The following CUBN variants were observed in gnomAD, a reference collection of about 807,000 sequenced individuals.
CUBN encodes cubilin, also known as 460 kDa receptor.
CUBN carries 282 observed loss-of-function variants against 405.3 expected under a neutral mutation model. The ratio of observed to expected loss-of-function variants is 0.70; its 90% CI spans 0.63 to 0.77. The LOEUF is 0.77. CUBN is among the 30% of genes least tolerant of loss of function. The pLI, the probability that CUBN is intolerant of heterozygous loss-of-function variation, is 0.00. For missense variants in CUBN, 4,514 were observed against 4,475.2 expected, an observed-to-expected ratio of 1.01 and a Z score of -0.25; for synonymous variants, 1,684 against 1,617.0, an observed-to-expected ratio of 1.04 and a Z score of -0.99.
intron 31 of CUBN, among the ~76,000 whole-genome samples, chr10:16,965,364 C>T (rs981268734): frequency 5.9e-5 from 9 of 152,160 alleles, no homozygotes; most frequent in South Asian, 2.1e-4. Context: ...CCAGTAATCA[C>T]GCATGCTTTG....
At chr10:16,928,520 C>A (rs1842268002) in intron 40 of CUBN, among the ~76,000 whole-genome samples, 1 of 98,470 alleles carries the variant, frequency 1.0e-5, no homozygotes, top group Non-Finnish European at 2.3e-5. Flanking sequence ...CCCCACCCCA[C>A]CCCACCCCCC....
chr10:16,922,560 T>C (rs1842065355), intron 43 of CUBN, among the ~76,000 whole-genome samples: 1 of 152,168 alleles, frequency 6.6e-6, no homozygotes, highest in Non-Finnish European at 1.5e-5. Context: ...ACATCTTAAC[T>C]AACTGAGGGT....
chr10:16,956,645 G>C (rs1355601536), intron 31 of CUBN, among the ~76,000 whole-genome samples: 1 of 152,012 alleles, frequency 6.6e-6, no homozygotes, highest in African/African-American at 2.4e-5. Flanking sequence ...TCCTAAGCTT[G>C]TAGTAATATT....
intron 59 of CUBN, among the ~76,000 whole-genome samples, chr10:16,869,200 C>G (rs1343938607): frequency 7.5e-6 from 1 of 134,074 alleles, no homozygotes; most frequent in Non-Finnish European, 1.5e-5. Flanking sequence ...GAGTCTCATT[C>G]TGTCACCCAG....
intron 59 of CUBN, among the ~76,000 whole-genome samples, chr10:16,869,164 ATTTTT>A (rs72310717): frequency 8.3e-6 from 1 of 121,168 alleles, no homozygotes; most frequent in African/African-American, 3.1e-5. Context: ...TACCAAAGTG[ATTTTT>A]TTTTTTTTTT....
At chr10:17,020,274 C>T (rs141152366) in intron 27 of CUBN, among the ~76,000 whole-genome samples, 420 of 152,186 alleles carry the variant, frequency 2.8e-3, no homozygotes, top group African/African-American at 9.5e-3. Flanking sequence ...GCTCAGAATA[C>T]GGAAATAGTA....
intron 66 of CUBN, 85 bp from the exon 67 acceptor site, chr10:16,825,167 C>T: frequency 1.1e-6 from 1 of 895,240 alleles, no homozygotes; most frequent in East Asian, 2.7e-5. Context: ...AACAAAGTAC[C>T]ACATAAAGAA....
At position 16,920,099 on chromosome 10, in the gene CUBN, C is replaced by G; in HGVS notation, c.6685G>C (p.Ala2229Pro). 3.7e-6 allele frequency: 6 copies of G among 1,613,924 alleles called. No individual in the cohort carries two copies. The highest frequency in any genetic ancestry group is 4.2e-6 in the Non-Finnish European group (5 of 1,179,946). Residue 2229 changes from alanine (A) to proline (P), a missense_variant, in exon 44 of 67, where the codon GCT (alanine) becomes CCT (proline). Coordinates refer to ENST00000377833, the MANE Select transcript of CUBN (RefSeq NM_001081.4). ...TGGTTGGGGGAGGTCACATACCCAG[C>G]AGAATCAGCATCATGGATGTAGACG... Reference protein sequence around the residue: ...GNVYIHDADSAGYVTSPNHPH... With the variant: ...GNVYIHDADSPGYVTSPNHPH...
chr10:16,883,279 G>A lies in CUBN; in HGVS notation c.8905+5138C>T, dbSNP rs752580746. 3.4e-4 allele frequency among the ~76,000 whole-genome samples: 51 copies of A among 152,234 alleles called. No individual in the cohort carries two copies. The South Asian group carries it at 3.7e-3, about 11-fold the overall frequency. Reference sequence around the variant, plus strand: ...CTAGTATACAGCTAAGTTCCATTGCGCACGAAGGCCAAACAAATTAAAGCA... The same window carrying A: ...CTAGTATACAGCTAAGTTCCATTGCACACGAAGGCCAAACAAATTAAAGCA... On this transcript the variant is annotated intron_variant, in intron 56 of 66. Coordinates refer to ENST00000377833, the MANE Select transcript of CUBN (RefSeq NM_001081.4).
intron 40 of CUBN, among the ~76,000 whole-genome samples, chr10:16,928,532 C>CCCCCT (rs1403918589): frequency 1.1e-3 from 116 of 107,070 alleles, no homozygotes; most frequent in Middle Eastern, 5.1e-3. Context: ...CCACCCCCCC[C>CCCCCT]TTTTTTTTTT....
rs377156071 is a variant in CUBN at position 16,825,628 on chromosome 10, A to AGTGTGTGTGTGTGT, written c.10765-560_10765-547dup. On this transcript the variant is annotated intron_variant, in intron 66 of 66. Transcript: ENST00000377833. ...TTATTTTCATATACTTCTGTGGAAC[A>AGTGTGTGTGTGTGT]GTGTGTGTGTGTGTGTGTGTGTGTG... Among the ~76,000 whole-genome samples, 405 of 135,994 alleles carry AGTGTGTGTGTGTGT rather than the reference A, an allele frequency of 3.0e-3. 4 individuals carry two copies. The highest frequency in any genetic ancestry group is 8.1e-3 in the Middle Eastern group (2 of 248). The allele number at this position is 135,994 out of a possible 152,430, so 89.2% of individuals were successfully genotyped here.
At chr10:16,922,539 C>A (rs1431452742) in intron 43 of CUBN, among the ~76,000 whole-genome samples, 2 of 152,160 alleles carry the variant, frequency 1.3e-5, no homozygotes, top group Admixed American at 1.3e-4. Context: ...CCTCCCATAA[C>A]CTTTTGATTA....
chr10:16,953,793 G>A (rs1208008393), intron 32 of CUBN, among the ~76,000 whole-genome samples: 1 of 151,996 alleles, frequency 6.6e-6, no homozygotes. Flanking sequence ...CGAGGCTTCA[G>A]TGAGCCGTGA....
intron 41 of CUBN, 50 bp from the exon 42 acceptor site, chr10:16,925,824 G>T: frequency 1.9e-6 from 3 of 1,539,236 alleles, no homozygotes; most frequent in Non-Finnish European, 2.7e-6. Flanking sequence ...TTGGCAACTG[G>T]ATTTTTATGC....
chr10:17,049,516 A>G (rs952279155), intron 22 of CUBN, among the ~76,000 whole-genome samples: 1 of 152,168 alleles, frequency 6.6e-6, no homozygotes, highest in African/African-American at 2.4e-5. Flanking sequence ...GGCAATAATG[A>G]TGGGTAGTTT....
At chr10:16,951,439 C>T (rs113588832) in intron 33 of CUBN, among the ~76,000 whole-genome samples, 227 of 152,278 alleles carry the variant, frequency 1.5e-3, no homozygotes, top group African/African-American at 5.3e-3. Context: ...TTCACACAGG[C>T]GATTAATTAC....
intron 59 of CUBN, among the ~76,000 whole-genome samples, chr10:16,865,473 C>G (rs1840153974): frequency 6.6e-6 from 1 of 152,102 alleles, no homozygotes; most frequent in South Asian, 2.1e-4. Context: ...CTCTGGGCAA[C>G]AGGGGCTGGC....
At chr10:16,915,226 C>A (rs1318976329) in intron 46 of CUBN, 54 bp from the exon 47 acceptor site, 1 of 1,608,972 alleles carries the variant, frequency 6.2e-7, no homozygotes, top group Non-Finnish European at 8.5e-7. Flanking sequence ...TTTCCTTTAC[C>A]CTCTATTCAA....
At chr10:16,911,550 G>A (rs1841734964) in intron 48 of CUBN, among the ~76,000 whole-genome samples, 1 of 152,182 alleles carries the variant, frequency 6.6e-6, no homozygotes, top group African/African-American at 2.4e-5. Context: ...TGATAATTAA[G>A]GGATAGGGAG....
Sources: gnomAD v4.1 joint callset for allele counts (sites outside exome capture counted in the v4.1 genomes callset) on GRCh38, gnomAD v4.1.1 for gene constraint, MANE v1.5 for transcripts, NCBI Gene and HGNC (gene_info 2026-07-23, HGNC 2026-07-21) for gene names.